GALNT7: variants seen among roughly 807,000 people sequenced by gnomAD.
GALNT7 encodes the protein polypeptide N-acetylgalactosaminyltransferase 7.
GALNT7 carries 60 observed loss-of-function variants against 82.1 expected under a neutral mutation model. The ratio of observed to expected loss-of-function variants is 0.73; its 90% CI spans 0.59 to 0.91. The LOEUF (loss-of-function observed/expected upper bound fraction) is 0.91. Ranked by LOEUF, GALNT7 falls within the 40% of genes least tolerant of loss-of-function variation. The pLI is 0.00. For synonymous variants in GALNT7, 243 were observed against 275.1 expected, an observed-to-expected ratio of 0.88 and a Z score of 1.15; for missense variants, 660 against 804.2, an observed-to-expected ratio of 0.82 and a Z score of 2.17.
At chr4:173,191,265 T>C (rs1355555718) in intron 1 of GALNT7, among the ~76,000 whole-genome samples, 1 of 152,046 alleles carries the variant, frequency 6.6e-6, no homozygotes, top group Non-Finnish European at 1.5e-5. Flanking sequence ...CTGTTGTGTC[T>C]CTAGAAAATA....
chr4:173,213,011 A>T (rs937841778), intron 1 of GALNT7, among the ~76,000 whole-genome samples: 2 of 152,114 alleles, frequency 1.3e-5, no homozygotes, highest in Non-Finnish European at 2.9e-5. Flanking sequence ...GGACAAATGG[A>T]TGTAATTGTA....
At chr4:173,287,004 G>A (rs777757197) in intron 2 of GALNT7, among the ~76,000 whole-genome samples, 23 of 152,288 alleles carry the variant, frequency 1.5e-4, no homozygotes, top group Non-Finnish European at 2.4e-4. Flanking sequence ...ACAGAGGAGA[G>A]TGTTATTTAT....
At chr4:173,211,109 A>G (rs992962054) in intron 1 of GALNT7, among the ~76,000 whole-genome samples, 2 of 152,248 alleles carry the variant, frequency 1.3e-5, no homozygotes, top group African/African-American at 4.8e-5. Context: ...GCCACATCTC[A>G]AGTACTCAAT....
intron 1 of GALNT7, among the ~76,000 whole-genome samples, chr4:173,216,727 A>ATATATATATATATATTTTTTTT (rs71244915): frequency 7.7e-5 from 1 of 12,980 alleles, no homozygotes; most frequent in African/African-American, 2.8e-4. Flanking sequence ...ATATATATAT[A>ATATATATATATATATTTTTTTT]TTTTTTTTTT....
At chr4:173,281,851 G>A (rs1736120475) in intron 2 of GALNT7, among the ~76,000 whole-genome samples, 1 of 152,172 alleles carries the variant, frequency 6.6e-6, no homozygotes, top group East Asian at 1.9e-4. Flanking sequence ...TCCACAGAAT[G>A]TGGAGCCATG....
intron 1 of GALNT7, among the ~76,000 whole-genome samples, chr4:173,178,106 A>G (rs1732130572): frequency 6.7e-6 from 1 of 149,892 alleles, no homozygotes; most frequent in Admixed American, 6.6e-5. Flanking sequence ...AGTTGTGATC[A>G]TATATAATAC....
chr4:173,241,807 A>AG (rs1243417920), intron 1 of GALNT7, among the ~76,000 whole-genome samples: 1 of 152,168 alleles, frequency 6.6e-6, no homozygotes, highest in East Asian at 1.9e-4. Flanking sequence ...GTTTGGTTAA[A>AG]GGGGGGTGGC....
chr4:173,206,626 A>G (rs1011167562), intron 1 of GALNT7, among the ~76,000 whole-genome samples: 1 of 152,214 alleles, frequency 6.6e-6, no homozygotes, highest in African/African-American at 2.4e-5. Flanking sequence ...GTGGAATATC[A>G]AACTAGTCTT....
intron 2 of GALNT7, among the ~76,000 whole-genome samples, chr4:173,257,753 G>A (rs1053452762): frequency 3.9e-5 from 6 of 152,092 alleles, no homozygotes; most frequent in East Asian, 1.9e-4. Flanking sequence ...GAAAATATTC[G>A]TGCATTCTCC....
chr4:173,178,004 AGTCT>A lies in GALNT7; in HGVS notation c.126+9046_126+9049del, dbSNP rs1324706984. On this transcript the variant is annotated intron_variant, in intron 1 of 11. Transcript: ENST00000265000. ...GCCTTTCCACCTCTCCCTATCCGCA[AGTCT>A]GTGTGTGTGTGTGTGTGTGTGTGTG... 1.0e-4 allele frequency among the ~76,000 whole-genome samples: 12 copies of A among 115,232 alleles called. 1 individual carries two copies. The East Asian group carries it at 2.3e-3, about 22-fold the overall frequency. 75.6% of individuals were successfully genotyped at this position (115,232 alleles called of 152,430 possible).
intron 2 of GALNT7, among the ~76,000 whole-genome samples, chr4:173,253,327 GT>G (rs1734912592): frequency 6.6e-6 from 1 of 152,194 alleles, no homozygotes; most frequent in Non-Finnish European, 1.5e-5. Context: ...ATGTAGTGCG[GT>G]TTACTTGGAT....
intron 1 of GALNT7, among the ~76,000 whole-genome samples, chr4:173,243,321 T>G (rs1157567938): frequency 6.6e-6 from 1 of 152,208 alleles, no homozygotes; most frequent in African/African-American, 2.4e-5. Flanking sequence ...CTTCTGGTAA[T>G]CCATATTACC....
intron 1 of GALNT7, among the ~76,000 whole-genome samples, chr4:173,198,886 T>A (rs1025931378): frequency 6.6e-6 from 1 of 152,146 alleles, no homozygotes; most frequent in Non-Finnish European, 1.5e-5. Flanking sequence ...GAGAGCTATT[T>A]CAGATCAGAT....
rs573353813 is a variant in GALNT7, at chr4:173,294,442, C to T, written c.755-954C>T. Among the ~76,000 whole-genome samples the T allele has an allele frequency of 8.6e-4, 131 of 152,080 alleles. No individual in the cohort carries two copies. In the Middle Eastern group the frequency reaches 0.014, roughly 16 times the overall value. Reference sequence around the variant, plus strand: ...ACGTGTATCTTACTAATAATAAATGCCCTAAAATGAGTAAAATATTAAGTA... The same window carrying T: ...ACGTGTATCTTACTAATAATAAATGTCCTAAAATGAGTAAAATATTAAGTA... On this transcript the variant is annotated intron_variant, in intron 3 of 11. Transcript: ENST00000265000.
intron 1 of GALNT7, among the ~76,000 whole-genome samples, chr4:173,233,109 T>C (rs551282061): frequency 2.6e-5 from 4 of 152,252 alleles, no homozygotes; most frequent in Non-Finnish European, 5.9e-5. Flanking sequence ...TGTGTATACA[T>C]ACCACATTTT....
At chr4:173,316,380 GCC>G (rs1737602460) in intron 9 of GALNT7, 1 of 152,324 alleles carries the variant, frequency 6.6e-6, no homozygotes, top group African/African-American at 2.4e-5. Flanking sequence ...ACTTCCCAAC[GCC>G]CTAGCTCCCA....
intron 9 of GALNT7, chr4:173,316,278 A>G (rs1737599052): frequency 6.6e-6 from 1 of 152,312 alleles, no homozygotes; most frequent in Non-Finnish European, 1.5e-5. Flanking sequence ...TCTGCCAGGA[A>G]TGCTTCCTTG....
rs1737652635 is a variant in GALNT7 at position 173,317,630 on chromosome 4, T to A, written c.1609-4T>A. On this transcript the variant is annotated splice_region_variant and splice_polypyrimidine_tract_variant and intron_variant, in intron 9 of 11. Transcript: ENST00000265000. ...GCTTTTTGCGTCTTTATTCATTTTT[T>A]TAGATCAGAGGCTTCGAAACTGCTT... 5.7e-6 allele frequency: 9 copies of A among 1,590,744 alleles called. No homozygotes were observed. Among genetic ancestry groups the A allele is most frequent in the Non-Finnish European group, 7.8e-6 (9 of 1,159,688 alleles).
At chr4:173,211,273 C>T (rs151271190) in intron 1 of GALNT7, among the ~76,000 whole-genome samples, 2,369 of 152,300 alleles carry the variant, frequency 0.016, 38 homozygotes, top group African/African-American at 0.032. Flanking sequence ...CCTGTACCCT[C>T]ACTAGATCTG....
Sources: gnomAD v4.1 joint callset for allele counts (sites outside exome capture counted in the v4.1 genomes callset) on GRCh38, gnomAD v4.1.1 for gene constraint, MANE v1.5 for transcripts, NCBI Gene and HGNC (gene_info 2026-07-23, HGNC 2026-07-21) for gene names.